KIF1B: variants seen among roughly 807,000 people sequenced by gnomAD.
The protein encoded by KIF1B is kinesin-like protein KIF1B.
Under a neutral mutation model 241.9 loss-of-function variants are expected in KIF1B, and 76 were observed. That is an observed-to-expected ratio of 0.31 (90% CI 0.26 to 0.38). The LOEUF (loss-of-function observed/expected upper bound fraction) is 0.38, where lower values mean the gene tolerates loss of function less well. KIF1B is among the 10% of genes least tolerant of loss of function. The probability of loss-of-function intolerance (pLI) is 1.00; values close to 1 mark genes in which losing one functional copy is unlikely to be tolerated. For synonymous variants in KIF1B, 750 were observed against 796.7 expected (o/e 0.94, Z 0.99); for missense variants, 1,622 against 2,271.4 (o/e 0.71, Z 5.81).
chr1:10,254,662 GT>G (rs1277778171), intron 2 of KIF1B, among the ~76,000 whole-genome samples: 7 of 151,838 alleles, frequency 4.6e-5, no homozygotes, highest in Non-Finnish European at 8.8e-5. Flanking sequence ...GGATCACAAG[GT>G]CAGGAGATCA....
intron 22 of KIF1B, among the ~76,000 whole-genome samples, chr1:10,315,903 A>G (rs2102288840): frequency 6.6e-6 from 1 of 151,330 alleles, no homozygotes; most frequent in South Asian, 2.1e-4. Flanking sequence ...TAAAAATACA[A>G]AATTTAACTG....
At position 10,278,190 on chromosome 1, in the gene KIF1B, G is replaced by A. The variant is rs749494115; in HGVS notation, c.1180+62G>A. The A allele has an allele frequency of 4.0e-5, 61 of 1,518,666 alleles. 1 individual carries two copies. In the South Asian group the frequency reaches 4.7e-4, roughly 12 times the overall value. The allele number at this position is 1,518,666 out of a possible 1,614,324, so 94.1% of individuals were successfully genotyped here. ...TTCTTCTTCAGGGTTCTTATTCAGC[G>A]TTCTTATATTTAAAATAAACTTCAA... On this transcript the variant is annotated intron_variant, in intron 13 of 48. Coordinates refer to ENST00000676179, the MANE Select transcript of KIF1B (RefSeq NM_001365951.3).
intron 15 of KIF1B, among the ~76,000 whole-genome samples, chr1:10,290,279 AC>A (rs1649928246): frequency 6.6e-6 from 1 of 152,054 alleles, no homozygotes; most frequent in South Asian, 2.1e-4. Context: ...TGGGTTTTAA[AC>A]CCTGTATGCA....
chr1:10,320,031 C>T lies in KIF1B; in HGVS notation c.2116-12C>T. ...CCCTCTCCTACATGTTATCTCCTTTCTTTTCATTCAGGACTATGAGAGTAA... is the reference window on the plus strand; with the variant it reads ...CCCTCTCCTACATGTTATCTCCTTTTTTTTCATTCAGGACTATGAGAGTAA... On this transcript the variant is annotated splice_polypyrimidine_tract_variant and intron_variant, in intron 22 of 48. Coordinates refer to ENST00000676179, the MANE Select transcript of KIF1B (RefSeq NM_001365951.3). 4 of 1,586,828 alleles carry T rather than the reference C, an allele frequency of 2.5e-6. No individual in the cohort carries two copies. Among genetic ancestry groups the T allele is most frequent in the Non-Finnish European group, 3.5e-6 (4 of 1,155,660 alleles).
At chr1:10,269,125 C>T (rs1425568058) in intron 7 of KIF1B, among the ~76,000 whole-genome samples, 1 of 152,112 alleles carries the variant, frequency 6.6e-6, no homozygotes, top group Non-Finnish European at 1.5e-5. Context: ...GATCCTTTGC[C>T]TTATAAAATG....
At chr1:10,228,347 C>T (rs930677838) in intron 1 of KIF1B, among the ~76,000 whole-genome samples, 3 of 144,858 alleles carry the variant, frequency 2.1e-5, no homozygotes, top group African/African-American at 7.6e-5. Context: ...AACCATTGAT[C>T]TATTAATGAA....
intron 1 of KIF1B, among the ~76,000 whole-genome samples, chr1:10,231,188 C>T (rs1057245167): frequency 1.3e-5 from 2 of 151,772 alleles, no homozygotes; most frequent in African/African-American, 2.4e-5. Flanking sequence ...CCAGCCTGGG[C>T]GACAAGAGCA....
chr1:10,303,443 G>C lies in KIF1B; in HGVS notation c.2115+6197G>C. ...TATGAGGTTGCTCTCAATGACTTCAGGCACAGTCGGCAGGAGATTGAAGCC... is the reference window on the plus strand; with the variant it reads ...TATGAGGTTGCTCTCAATGACTTCACGCACAGTCGGCAGGAGATTGAAGCC... On this transcript the variant is annotated intron_variant, in intron 22 of 48. Transcript: ENST00000676179. The surrounding 1 kb of genome is among the most constrained non-coding windows in gnomAD (Gnocchi z 5.2). 1 of 1,614,208 alleles carries C rather than the reference G, an allele frequency of 6.2e-7. No individual in the cohort carries two copies. The highest frequency in any genetic ancestry group is 2.2e-5 in the East Asian group (1 of 44,886).
At chr1:10,373,852 C>T (rs2102362088) in intron 45 of KIF1B, among the ~76,000 whole-genome samples, 1 of 152,282 alleles carries the variant, frequency 6.6e-6, no homozygotes, top group South Asian at 2.1e-4. Flanking sequence ...CCCCATGGCT[C>T]AACCCCACCC....
intron 27 of KIF1B, among the ~76,000 whole-genome samples, chr1:10,328,202 AAAAT>A (rs1319137172): frequency 6.6e-6 from 1 of 152,212 alleles, no homozygotes; most frequent in African/African-American, 2.4e-5. Flanking sequence ...CAAAAAATAT[AAAAT>A]AAAATAAAAC....
At chr1:10,336,509 T>A in intron 28 of KIF1B, 148 bp from the exon 29 acceptor site, 1 of 729,130 alleles carries the variant, frequency 1.4e-6, no homozygotes, top group Non-Finnish European at 2.5e-6. Flanking sequence ...TCTACATGAA[T>A]AGAGTGCGAA....
At chr1:10,359,014 T>C (rs1638340240) in intron 38 of KIF1B, among the ~76,000 whole-genome samples, 1 of 152,224 alleles carries the variant, frequency 6.6e-6, no homozygotes, top group African/African-American at 2.4e-5. Context: ...ACTAGACATT[T>C]GAGAGAGTAT....
In KIF1B at chr1:10,374,353, C is replaced by T; in HGVS notation, c.4984C>T (p.Pro1662Ser). 6.2e-7 allele frequency: 1 copy of T among 1,614,112 alleles called. No individual in the cohort carries two copies. The highest frequency in any genetic ancestry group is 1.1e-5 in the South Asian group (1 of 91,078). The part of the protein sequence containing the change: ...EANSRASSPC[P>S]EFEQFQIVPA... ...CAATTCCCGGGCCTCTAGTCCCTGC[C>T]CAGAATTTGAACAGTTTCAGATTGT... Residue 1662 changes from proline (P) to serine (S), a missense_variant, in exon 46 of 49, where the codon CCA becomes TCA. Around this residue, in one of 7 missense-constraint regions of KIF1B, gnomAD observed 357 missense variants for 409.0 expected, o/e 0.87. Coordinates refer to ENST00000676179, the MANE Select transcript of KIF1B (RefSeq NM_001365951.3). This position sits in a 1 kb window ranked among gnomAD's most constrained non-coding sequence, Gnocchi z 4.3.
intron 7 of KIF1B, among the ~76,000 whole-genome samples, 181 bp downstream of exon 7, chr1:10,268,444 G>GAAAA (rs1648591292): frequency 6.6e-6 from 1 of 152,046 alleles, no homozygotes; most frequent in Non-Finnish European, 1.5e-5. Flanking sequence ...TTTCTGTATA[G>GAAAA]GTTCTTAAAT....
chr1:10,291,052 G>A (rs1649972235), intron 15 of KIF1B, 30 bp from the exon 16 acceptor site: 1 of 1,559,672 alleles, frequency 6.4e-7, no homozygotes, highest in Non-Finnish European at 8.8e-7. Context: ...AAGACTCTTT[G>A]CCTCTTTAAC....
rs1332621585 is a variant in KIF1B, at chr1:10,267,524, A to G, written c.574A>G (p.Ile192Val). 5 of 1,614,056 alleles carry G rather than the reference A, an allele frequency of 3.1e-6. No homozygotes were observed. The highest frequency in any genetic ancestry group is 3.3e-5 in the Admixed American group (2 of 59,998). Reference protein sequence around the residue: ...SKLAVTSYTDIADLMDAGNKA... With the variant: ...SKLAVTSYTDVADLMDAGNKA... Reference sequence around the variant, plus strand: ...GTTGGCAGTTACTTCCTACACAGACATTGCTGACCTCATGGATGCTGGGAA... The same window carrying G: ...GTTGGCAGTTACTTCCTACACAGACGTTGCTGACCTCATGGATGCTGGGAA... Residue 192 changes from isoleucine (I) to valine (V), a missense_variant, in exon 6 of 49, where the codon ATT (isoleucine) becomes GTT (valine). Around this residue, in one of 7 missense-constraint regions of KIF1B, gnomAD observed 156 missense variants for 244.8 expected, o/e 0.64. Coordinates refer to ENST00000676179, the MANE Select transcript of KIF1B (RefSeq NM_001365951.3).
In KIF1B at chr1:10,348,666, C is replaced by G. The variant is rs1285366120; in HGVS notation, c.3882C>G (p.Ile1294Met). 6.2e-7 allele frequency: 1 copy of G among 1,614,024 alleles called. No individual in the cohort carries two copies. Among genetic ancestry groups the G allele is most frequent in the Non-Finnish European group, 8.5e-7 (1 of 1,179,922 alleles). Reference sequence around the variant, plus strand: ...TTACCTAGGGCATCCAGCGAAGGATCACAGTGACCATTATCCATGAGAAGG... The same window carrying G: ...TTACCTAGGGCATCCAGCGAAGGATGACAGTGACCATTATCCATGAGAAGG... ...FLLHQGIQRR[I>M]TVTIIHEKGS... Residue 1294 changes from isoleucine to methionine, a missense_variant, in exon 37 of 49, where the codon ATC (isoleucine) becomes ATG (methionine). Physicochemically the swap from Ile to Met is conservative, Grantham distance 10. Transcript: ENST00000676179.
At chr1:10,211,909 G>A (rs1200529367) in intron 1 of KIF1B, among the ~76,000 whole-genome samples, 1 of 152,166 alleles carries the variant, frequency 6.6e-6, no homozygotes, top group African/African-American at 2.4e-5. Context: ...TCGAGTAGCC[G>A]TAGAGCATTG....
intron 38 of KIF1B, among the ~76,000 whole-genome samples, chr1:10,358,797 AACTTT>A (rs758970189): frequency 1.2e-4 from 18 of 152,318 alleles, no homozygotes; most frequent in Non-Finnish European, 2.6e-4. Context: ...ACCAAATTAA[AACTTT>A]ACTTTACACA....
Sources: gnomAD v4.1 joint callset for allele counts (sites outside exome capture counted in the v4.1 genomes callset) on GRCh38, gnomAD v4.1.1 for gene constraint, gnomAD v4.1.1 regional missense constraint, Gnocchi (gnomAD v3.1) non-coding constraint, MANE v1.5 for transcripts, NCBI Gene and HGNC (gene_info 2026-07-23, HGNC 2026-07-21) for gene names.